ARHGEF1: variants seen among roughly 807,000 people sequenced by gnomAD.
ARHGEF1 encodes Rho guanine nucleotide exchange factor 1.
A neutral mutation model predicts 119.7 loss-of-function variants in ARHGEF1; 40 were observed. The ratio of observed to expected loss-of-function variants is 0.33; its 90% CI spans 0.26 to 0.44. The LOEUF (loss-of-function observed/expected upper bound fraction) is 0.44. Ranked by LOEUF, ARHGEF1 falls within the 20% of genes least tolerant of loss-of-function variation. The pLI, the probability that ARHGEF1 is intolerant of heterozygous loss-of-function variation, is 1.00. For missense variants in ARHGEF1, 976 were observed against 1,268.3 expected (o/e 0.77, Z 3.50); for synonymous variants, 494 against 521.0 (o/e 0.95, Z 0.71).
chr19:41,893,378 C>G, intron 8 of ARHGEF1, 75 bp downstream of exon 8: 1 of 1,178,540 alleles, frequency 8.5e-7, no homozygotes, highest in Non-Finnish European at 1.1e-6. Flanking sequence ...ACTCCTGGGT[C>G]TGAGGGAGGA....
At chr19:41,898,658 G>C (rs1413517947) in intron 14 of ARHGEF1, 71 bp downstream of exon 14, 1 of 1,476,920 alleles carries the variant, frequency 6.8e-7, no homozygotes, top group African/African-American at 1.4e-5. Context: ...AAAGACAGGC[G>C]CAGAGAGATG....
downstream of ARHGEF1, chr19:41,908,691 G>A: frequency 8.2e-7 from 1 of 1,225,938 alleles, no homozygotes; most frequent in Non-Finnish European, 1.0e-6. This position sits in a 1 kb window ranked among gnomAD's most constrained non-coding sequence, Gnocchi z 6.7. Flanking sequence ...GGGGCACAGG[G>A]GTAGGTCAGG....
chr19:41,906,354 A>T lies in ARHGEF1; in HGVS notation c.2492-103A>T. 8.2e-7 allele frequency: 1 copy of T among 1,217,608 alleles called. No individual in the cohort carries two copies. Among genetic ancestry groups the T allele is most frequent in the Non-Finnish European group, 1.1e-6 (1 of 883,340 alleles). The allele number at this position is 1,217,608 out of a possible 1,614,324, so 75.4% of individuals were successfully genotyped here. A position where few individuals can be genotyped will look rare whatever the true frequency, so the allele number is the denominator to read the frequency against. On this transcript the variant is annotated intron_variant, in intron 26 of 28. Transcript: ENST00000354532. This position sits in a 1 kb window ranked among gnomAD's most constrained non-coding sequence, Gnocchi z 4.5. The stretch of plus-strand genomic sequence containing the variant: ...ATCTGCTCAGCCTTGCCTGGCACCC[A>T]CCTTCACCTCCAGCCCCTACACATC...
intron 1 of ARHGEF1, chr19:41,884,610 C>A (rs2074265850): frequency 7.3e-7 from 1 of 1,370,492 alleles, no homozygotes; most frequent in Non-Finnish European, 1.0e-6. Flanking sequence ...GTAAGACCCG[C>A]CACGTCCATG....
At chr19:41,908,772 G>T, downstream of ARHGEF1, 2 of 598,782 alleles carry the variant, frequency 3.3e-6, no homozygotes, top group Non-Finnish European at 4.9e-6. The surrounding 1 kb of genome is among the most constrained non-coding windows in gnomAD (Gnocchi z 6.7). Flanking sequence ...CCATCTCCCC[G>T]CATCCCTCCT....
chr19:41,904,394 C>T lies in ARHGEF1; in HGVS notation c.2161+11C>T. 6.4e-7 allele frequency: 1 copy of T among 1,553,496 alleles called. No homozygotes were observed. Among genetic ancestry groups the T allele is most frequent in the South Asian group, 1.2e-5 (1 of 85,326 alleles). On this transcript the variant is annotated intron_variant, in intron 22 of 28. Coordinates refer to ENST00000354532, the MANE Select transcript of ARHGEF1 (RefSeq NM_004706.4). The surrounding 1 kb of genome is among the most constrained non-coding windows in gnomAD (Gnocchi z 8.4). ...GCGAGGTGGCCACCGGTGAGTGCAG[C>T]CACTGCATGGCCCAGGGCAGAGGGT... is the stretch of plus-strand genomic sequence containing the variant.
At position 41,907,169 on chromosome 19, in the gene ARHGEF1, G is replaced by GCCGCAGCATCTCACACC. The variant is rs1555850465; in HGVS notation, c.*86_*102dup. ...AGGGACCACCCCCACCCACACAGCT[G>GCCGCAGCATCTCACACC]CCGCAGCATCTCACACCCCGAGGGC... On this transcript the variant is annotated 3_prime_UTR_variant, in exon 29 of 29. Transcript: ENST00000354532. 6.5e-7 allele frequency: 1 copy of GCCGCAGCATCTCACACC among 1,530,066 alleles called. No individual in the cohort carries two copies. Among genetic ancestry groups the GCCGCAGCATCTCACACC allele is most frequent in the South Asian group, 1.2e-5 (1 of 83,234 alleles). 94.8% of individuals were successfully genotyped at this position (1,530,066 alleles called of 1,614,324 possible). A position where few individuals can be genotyped will look rare whatever the true frequency, so the allele number is the denominator to read the frequency against.
At chr19:41,897,368 C>T (rs782083013) in intron 13 of ARHGEF1, 1 of 1,206,658 alleles carries the variant, frequency 8.3e-7, no homozygotes. Context: ...CTAGCCCCTC[C>T]CCCATTTCTC....
rs2074716322 is a variant in ARHGEF1, at chr19:41,907,187, C to T, written c.*100C>T. On this transcript the variant is annotated 3_prime_UTR_variant, in exon 29 of 29. Transcript: ENST00000354532. ...CACAGCTGCCGCAGCATCTCACACC[C>T]CGAGGGCCTGAGGAGAGGGAGCTGT... The T allele has an allele frequency of 6.5e-7, 1 of 1,526,858 alleles. No homozygotes were observed. The highest frequency in any genetic ancestry group is 8.7e-7 in the Non-Finnish European group (1 of 1,143,018). The allele number at this position is 1,526,858 out of a possible 1,614,324, so 94.6% of individuals were successfully genotyped here.
chr19:41,928,931 C>G (rs782643869), exon 2 of ARHGEF1: 1 of 456,256 alleles, frequency 2.2e-6, no homozygotes, highest in Non-Finnish European at 4.4e-6. Flanking sequence ...GGAACACGGA[C>G]CCGCACACAC....
rs1294179951 is a variant in ARHGEF1 at position 41,883,752 on chromosome 19, A to G, written c.-20+463A>G. Among the ~76,000 whole-genome samples, 2 of 152,192 alleles carry G rather than the reference A, an allele frequency of 1.3e-5. No homozygotes were observed. Among genetic ancestry groups the G allele is most frequent in the Non-Finnish European group, 2.9e-5 (2 of 68,032 alleles). On this transcript the variant is annotated intron_variant, in intron 1 of 28. Coordinates refer to ENST00000354532, the MANE Select transcript of ARHGEF1 (RefSeq NM_004706.4). This position sits in a 1 kb window ranked among gnomAD's most constrained non-coding sequence, Gnocchi z 7.6. ...AAAAACAACAATAACAACAACGACGAGGGTCGCTGTGAAGCTGAAAGTTGC... is the reference window on the plus strand; with the variant it reads ...AAAAACAACAATAACAACAACGACGGGGGTCGCTGTGAAGCTGAAAGTTGC...
rs2074259892 is a variant in ARHGEF1, at chr19:41,884,279, A to G, written c.-20+990A>G. 3 of 782,746 alleles carry G rather than the reference A, an allele frequency of 3.8e-6. No homozygotes were observed. The Admixed American group carries it at 8.1e-5, about 21-fold the overall frequency. The allele number at this position is 782,746 out of a possible 1,614,324, so 48.5% of individuals were successfully genotyped here. On this transcript the variant is annotated intron_variant, in intron 1 of 28. Transcript: ENST00000354532. The stretch of plus-strand genomic sequence containing the variant: ...CTATCTGGCCTGCGTGGCGCAGTAC[A>G]GCGCTAGAGCGGCCGGCGGGAGGAG...
At chr19:41,899,443 T>C (rs1458839235) in intron 14 of ARHGEF1, among the ~76,000 whole-genome samples, 4 of 152,130 alleles carry the variant, frequency 2.6e-5, no homozygotes, top group African/African-American at 9.7e-5. Context: ...ATTTTTGTCT[T>C]TTTCCTTTTT....
chr19:41,920,136 CACAG>C (rs1346639027), upstream of ARHGEF1, among the ~76,000 whole-genome samples: 7 of 127,328 alleles, frequency 5.5e-5, no homozygotes, highest in African/African-American at 1.9e-4. Flanking sequence ...CACATGCGCT[CACAG>C]ACATGACACG....
At chr19:41,923,483 G>GACAAAA (rs2074853183) in intron 1 of ARHGEF1, among the ~76,000 whole-genome samples, 1 of 150,744 alleles carries the variant, frequency 6.6e-6, no homozygotes. Flanking sequence ...AAGACAGGGT[G>GACAAAA]AGACAGAGGA....
rs1555850538 is a variant in ARHGEF1 at position 41,907,300 on chromosome 19, T to G, written c.*213T>G. 6.5e-7 allele frequency: 1 copy of G among 1,532,622 alleles called. No homozygotes were observed. Among genetic ancestry groups the G allele is most frequent in the Admixed American group, 2.0e-5 (1 of 50,512 alleles). 94.9% of individuals were successfully genotyped at this position (1,532,622 alleles called of 1,614,324 possible). On this transcript the variant is annotated 3_prime_UTR_variant, in exon 29 of 29. Transcript: ENST00000354532. ...CCCTCCTGCCCTCTGCTTGGGGGAC[T>G]CAGGGCTCCATTCTGGAGGGCACCA...
upstream of ARHGEF1, among the ~76,000 whole-genome samples, chr19:41,922,659 G>A (rs921103009): frequency 9.9e-5 from 15 of 152,124 alleles, no homozygotes; most frequent in Non-Finnish European, 2.1e-4. Flanking sequence ...GCAAGGGGCG[G>A]GGCCTGGGTG....
downstream of ARHGEF1, among the ~76,000 whole-genome samples, chr19:41,910,402 T>C (rs1202099294): frequency 2.6e-5 from 4 of 152,064 alleles, no homozygotes; most frequent in African/African-American, 9.7e-5. This position sits in a 1 kb window ranked among gnomAD's most constrained non-coding sequence, Gnocchi z 4.4. Flanking sequence ...CCTGCACCCA[T>C]GACAGTGAGG....
chr19:41,924,192 C>G (rs782565336), intron 1 of ARHGEF1, among the ~76,000 whole-genome samples: 9 of 151,478 alleles, frequency 5.9e-5, no homozygotes, highest in Non-Finnish European at 1.2e-4. Flanking sequence ...CACCAAAGTC[C>G]CTAGGTGGAT....
Sources: gnomAD v4.1 joint callset for allele counts (sites outside exome capture counted in the v4.1 genomes callset) on GRCh38, gnomAD v4.1.1 for gene constraint, Gnocchi (gnomAD v3.1) non-coding constraint, MANE v1.5 for transcripts, NCBI Gene and HGNC (gene_info 2026-07-23, HGNC 2026-07-21) for gene names.